The following PPP2R5E variants were observed in gnomAD, a reference collection of about 807,000 sequenced individuals.
PPP2R5E encodes the protein serine/threonine-protein phosphatase 2A 56 kDa regulatory subunit epsilon isoform.
In PPP2R5E, 4 loss-of-function variants were observed where a neutral mutation model predicts 65.3. The observed-to-expected ratio is 0.06, with a 90% confidence interval of 0.03 to 0.14. The LOEUF (loss-of-function observed/expected upper bound fraction) is 0.14. Among genes scored for constraint, PPP2R5E ranks in the 10% least tolerant of loss-of-function variants. The probability of loss-of-function intolerance (pLI) is 1.00; values close to 1 mark genes in which losing one functional copy is unlikely to be tolerated. For missense variants in PPP2R5E, 274 were observed against 556.1 expected, an observed-to-expected ratio of 0.49 and a Z score of 5.10; for synonymous variants, 183 against 187.4, an observed-to-expected ratio of 0.98 and a Z score of 0.19.
chr14:63,437,671 AG>A (rs1310062842), intron 3 of PPP2R5E, among the ~76,000 whole-genome samples: 2 of 152,154 alleles, frequency 1.3e-5, no homozygotes, highest in African/African-American at 2.4e-5. Flanking sequence ...TACCTTCTGC[AG>A]GAAGGCCAAT....
intron 4 of PPP2R5E, among the ~76,000 whole-genome samples, chr14:63,419,959 T>A (rs1886911179): frequency 6.6e-6 from 1 of 152,186 alleles, no homozygotes. Context: ...CTAGAGTGGT[T>A]TTTTGTGGCA....
chr14:63,386,525 A>T (rs1460020894), intron 11 of PPP2R5E, among the ~76,000 whole-genome samples: 2 of 152,198 alleles, frequency 1.3e-5, no homozygotes, highest in Non-Finnish European at 2.9e-5. Context: ...GTAAACTGTG[A>T]CAGATGCTAT....
At position 63,493,302 on chromosome 14, in the gene PPP2R5E, C is replaced by T. The variant is rs112612535; in HGVS notation, c.158-39417G>A. On this transcript the variant is annotated intron_variant, in intron 2 of 13. Coordinates refer to ENST00000337537, the MANE Select transcript of PPP2R5E (RefSeq NM_006246.5). Reference sequence around the variant, plus strand: ...GGGACTACAGGCACTTGCCACCAAGCCAAGCTAATCAGATAACTATTTATT... The same window carrying T: ...GGGACTACAGGCACTTGCCACCAAGTCAAGCTAATCAGATAACTATTTATT... 2.2e-3 allele frequency among the ~76,000 whole-genome samples: 340 copies of T among 151,976 alleles called. 3 individuals carry two copies. Among genetic ancestry groups the T allele is most frequent in the African/African-American group, 7.0e-3 (292 of 41,484 alleles).
intron 2 of PPP2R5E, among the ~76,000 whole-genome samples, chr14:63,474,668 C>A (rs1890309062): frequency 1.4e-5 from 1 of 71,170 alleles, no homozygotes; most frequent in Non-Finnish European, 2.5e-5. Flanking sequence ...AGTGATACCC[C>A]ATCTCAAAAA....
chr14:63,391,137 T>A (rs1884995087), intron 10 of PPP2R5E, among the ~76,000 whole-genome samples: 1 of 152,058 alleles, frequency 6.6e-6, no homozygotes, highest in African/African-American at 2.4e-5. Flanking sequence ...AGGGGGCCAC[T>A]CGGAAGGGAA....
chr14:63,430,346 T>TATACATACATACATACATACATGCATGC (rs1887570446), intron 3 of PPP2R5E, among the ~76,000 whole-genome samples: 22 of 135,238 alleles, frequency 1.6e-4, no homozygotes, highest in East Asian at 1.3e-3. Flanking sequence ...AAAACCCATG[T>TATACATACATACATACATACATGCATGC]ATACATACAT....
intron 2 of PPP2R5E, among the ~76,000 whole-genome samples, chr14:63,522,563 C>G (rs964398331): frequency 6.7e-6 from 1 of 150,272 alleles, no homozygotes; most frequent in African/African-American, 2.5e-5. Flanking sequence ...GGCCGCCCAT[C>G]GTCTGAGATG....
chr14:63,415,227 T>C lies in PPP2R5E; in HGVS notation c.462A>G (p.Val154=), dbSNP rs2139861945. Residue 154 remains valine (V), a synonymous_variant, in exon 5 of 14, where the codon GTA becomes GTG. Coordinates refer to ENST00000337537, the MANE Select transcript of PPP2R5E (RefSeq NM_006246.5). The stretch of plus-strand genomic sequence containing the variant: ...CCAAAAATCGTATGAAAAATTCATA[T>C]ACAAGCTGCAACAAACAGATTATAA... The part of the protein sequence containing the change: ...LEASWPHLQL[V]YEFFIRFLES... 1 of 1,595,474 alleles carries C rather than the reference T, an allele frequency of 6.3e-7. No individual in the cohort carries two copies. The highest frequency in any genetic ancestry group is 2.2e-5 in the East Asian group (1 of 44,632).
intron 5 of PPP2R5E, among the ~76,000 whole-genome samples, chr14:63,401,248 G>A (rs1371963444): frequency 6.6e-5 from 10 of 152,090 alleles, no homozygotes; most frequent in Non-Finnish European, 1.5e-5. Context: ...GATGAACTCT[G>A]ATGAGCTCTG....
At chr14:63,432,694 G>T (rs1458937687) in intron 3 of PPP2R5E, among the ~76,000 whole-genome samples, 1 of 152,060 alleles carries the variant, frequency 6.6e-6, no homozygotes, top group Non-Finnish European at 1.5e-5. Context: ...AAGAAAGAAA[G>T]AAAGATTCAA....
intron 3 of PPP2R5E, among the ~76,000 whole-genome samples, chr14:63,448,662 G>A (rs111857115): frequency 7.2e-5 from 11 of 152,034 alleles, no homozygotes; most frequent in Admixed American, 2.0e-4. Flanking sequence ...GGTGGCTCCC[G>A]TGTATAATGC....
intron 2 of PPP2R5E, among the ~76,000 whole-genome samples, chr14:63,522,813 G>C (rs1185999872): frequency 6.6e-6 from 1 of 151,418 alleles, no homozygotes; most frequent in Non-Finnish European, 1.5e-5. Flanking sequence ...GGAAGGAGGT[G>C]GGGGTCACCC....
chr14:63,527,750 A>G (rs529492326), intron 2 of PPP2R5E, among the ~76,000 whole-genome samples: 3 of 152,270 alleles, frequency 2.0e-5, no homozygotes, highest in Non-Finnish European at 2.9e-5. Flanking sequence ...CCTGGCCAAC[A>G]TGGCAAAACC....
chr14:63,504,781 GC>G (rs1892078559), intron 2 of PPP2R5E, among the ~76,000 whole-genome samples: 1 of 151,982 alleles, frequency 6.6e-6, no homozygotes, highest in Admixed American at 6.6e-5. Context: ...CCAGGGCATA[GC>G]ATAAAATATG....
chr14:63,386,896 C>T (rs1884702682), intron 11 of PPP2R5E, among the ~76,000 whole-genome samples: 1 of 148,784 alleles, frequency 6.7e-6, no homozygotes, highest in African/African-American at 2.5e-5. Context: ...TGCACTGCAG[C>T]CTGGGCAACA....
In PPP2R5E at chr14:63,539,558, A is replaced by G. The variant is rs144779635; in HGVS notation, c.128T>C (p.Ile43Thr). ...TAGCAGCGGCAGAGGTGTTAACTCA[A>G]TAGGCTTGCCTTGAGACCTAAACTG... ...SSQFRSQGKP[I>T]ELTPLPLLKD... is the part of the protein sequence containing the mutation. The change falls in exon 2 of 14, where the codon ATT becomes ACT. Residue 43 changes from isoleucine (I) to threonine (T), a missense_variant. By Grantham distance (89) the Ile-to-Thr change is moderately conservative (BLOSUM62 -1). Coordinates refer to ENST00000337537, the MANE Select transcript of PPP2R5E (RefSeq NM_006246.5). 1.9e-6 allele frequency: 3 copies of G among 1,614,000 alleles called. No individual in the cohort carries two copies. The highest frequency in any genetic ancestry group is 1.7e-5 in the Admixed American group (1 of 60,002).
At chr14:63,493,476 G>A (rs1026515968) in intron 2 of PPP2R5E, among the ~76,000 whole-genome samples, 5 of 133,468 alleles carry the variant, frequency 3.7e-5, no homozygotes, top group Admixed American at 1.4e-4. Context: ...CCAAATTACC[G>A]CGCGCGCGTG....
intron 2 of PPP2R5E, among the ~76,000 whole-genome samples, chr14:63,521,469 C>A (rs2139726843): frequency 6.6e-6 from 1 of 152,268 alleles, no homozygotes; most frequent in East Asian, 1.9e-4. Flanking sequence ...GAGTTCAAGA[C>A]CAGCCTGACC....
At chr14:63,507,347 A>C (rs1892234105) in intron 2 of PPP2R5E, among the ~76,000 whole-genome samples, 1 of 152,108 alleles carries the variant, frequency 6.6e-6, no homozygotes, top group Admixed American at 6.5e-5. Flanking sequence ...CAACTACCAT[A>C]ACTGTTAATT....
Sources: allele counts gnomAD v4.1 joint callset (sites outside exome capture counted in the v4.1 genomes callset), GRCh38; gene constraint gnomAD v4.1.1; transcripts MANE v1.5; gene names NCBI Gene and HGNC (gene_info 2026-07-23, HGNC 2026-07-21).